TMEM132D: variants seen among roughly 807,000 people sequenced by gnomAD.
TMEM132D encodes transmembrane protein 132D, also known as mature OL transmembrane protein.
In TMEM132D, 21 loss-of-function variants were observed where a neutral mutation model predicts 62.3. That is an observed-to-expected ratio of 0.34 (90% CI 0.24 to 0.49). The LOEUF (loss-of-function observed/expected upper bound fraction) is 0.49, where lower values mean the gene tolerates loss of function less well. TMEM132D is among the 20% of genes least tolerant of loss of function. The pLI is 0.99. For missense variants in TMEM132D, 1,346 were observed against 1,402.8 expected (o/e 0.96, Z 0.65); for synonymous variants, 621 against 575.6 (o/e 1.08, Z -1.13).
chr12:129,689,298 T>G (rs1042665872), intron 2 of TMEM132D, among the ~76,000 whole-genome samples: 1 of 152,196 alleles, frequency 6.6e-6, no homozygotes, highest in African/African-American at 2.4e-5. Flanking sequence ...TGCACCTTGA[T>G]TCCTGATCAG....
chr12:129,693,456 C>T (rs547184799), intron 2 of TMEM132D, among the ~76,000 whole-genome samples: 1 of 152,190 alleles, frequency 6.6e-6, no homozygotes, highest in Non-Finnish European at 1.5e-5. Flanking sequence ...TATCACTTCC[C>T]TCTTTACAAT....
intron 3 of TMEM132D, among the ~76,000 whole-genome samples, chr12:129,513,384 T>C (rs1009433158): frequency 2.0e-5 from 3 of 152,170 alleles, no homozygotes; most frequent in African/African-American, 7.2e-5. Flanking sequence ...CATCACCCGC[T>C]AGACTCCATC....
intron 1 of TMEM132D, among the ~76,000 whole-genome samples, chr12:129,900,368 C>A (rs1447134665): frequency 7.2e-5 from 11 of 152,168 alleles, no homozygotes. Context: ...GAAGCAGTTT[C>A]AGGAAGGCGC....
intron 4 of TMEM132D, among the ~76,000 whole-genome samples, chr12:129,227,859 T>A (rs1327632946): frequency 6.6e-6 from 1 of 152,208 alleles, no homozygotes; most frequent in Non-Finnish European, 1.5e-5. Flanking sequence ...TTTGGTTTTT[T>A]GTCCTTGCGA....
intron 3 of TMEM132D, among the ~76,000 whole-genome samples, chr12:129,488,018 C>T (rs1354135974): frequency 6.6e-6 from 1 of 151,484 alleles, no homozygotes; most frequent in African/African-American, 2.4e-5. Flanking sequence ...GGAGAAACGG[C>T]CCCTTGTTGG....
intron 4 of TMEM132D, among the ~76,000 whole-genome samples, chr12:129,325,571 G>A (rs567331801): frequency 6.6e-6 from 1 of 152,322 alleles, no homozygotes; most frequent in South Asian, 2.1e-4. Flanking sequence ...GGATACAAGA[G>A]AGGACTGTGG....
At chr12:129,513,804 TTTTATTTATTTATTTA>T (rs201593908) in intron 3 of TMEM132D, among the ~76,000 whole-genome samples, 10,253 of 133,942 alleles carry the variant, frequency 0.077, 431 homozygotes, top group East Asian at 0.14. Flanking sequence ...CAATTTTTAT[TTTTATTTATTTATTTA>T]TTTATTTATT....
chr12:129,403,067 T>C (rs897420175), intron 3 of TMEM132D, among the ~76,000 whole-genome samples: 1 of 151,972 alleles, frequency 6.6e-6, no homozygotes, highest in African/African-American at 2.4e-5. Context: ...GGCAGGCACT[T>C]TGCAAATTCA....
intron 5 of TMEM132D, among the ~76,000 whole-genome samples, chr12:129,101,264 T>G (rs891645123): frequency 6.6e-6 from 1 of 152,216 alleles, no homozygotes; most frequent in Non-Finnish European, 1.5e-5. Context: ...CCGTGCAGCT[T>G]CTTTGCCTCG....
chr12:129,882,229 C>G (rs1874618093), intron 1 of TMEM132D, among the ~76,000 whole-genome samples: 1 of 151,902 alleles, frequency 6.6e-6, no homozygotes, highest in Non-Finnish European at 1.5e-5. Flanking sequence ...TGTGTAGTCT[C>G]TTCCAGAAAA....
chr12:129,739,839 C>T (rs1461394135), intron 1 of TMEM132D, among the ~76,000 whole-genome samples: 1 of 152,150 alleles, frequency 6.6e-6, no homozygotes, highest in Admixed American at 6.5e-5. Flanking sequence ...ATTAAGATGG[C>T]ATTGACCCTT....
intron 3 of TMEM132D, among the ~76,000 whole-genome samples, chr12:129,467,581 G>A (rs927591036): frequency 3.9e-5 from 6 of 152,178 alleles, no homozygotes; most frequent in East Asian, 1.9e-4. Context: ...TTAAAAGGGA[G>A]GAGGCTCCTC....
intron 5 of TMEM132D, among the ~76,000 whole-genome samples, chr12:129,194,876 T>C (rs1878504261): frequency 2.0e-5 from 3 of 152,310 alleles, no homozygotes; most frequent in African/African-American, 7.2e-5. Context: ...ATCCTCTATG[T>C]GACAACCAAG....
intron 5 of TMEM132D, among the ~76,000 whole-genome samples, chr12:129,178,830 C>CG (rs1305702410): frequency 1.3e-5 from 2 of 152,216 alleles, no homozygotes; most frequent in African/African-American, 4.8e-5. Flanking sequence ...TCTATGTCTG[C>CG]ACTCCTTGAA....
intron 1 of TMEM132D, among the ~76,000 whole-genome samples, chr12:129,708,473 G>A (rs765633484): frequency 8.5e-5 from 13 of 152,092 alleles, no homozygotes; most frequent in East Asian, 5.8e-4. Flanking sequence ...TCATGGGGGC[G>A]TCCTGTGCCT....
chr12:129,810,678 G>C (rs983671966), intron 1 of TMEM132D, among the ~76,000 whole-genome samples: 2 of 152,130 alleles, frequency 1.3e-5, no homozygotes, highest in Admixed American at 6.5e-5. Context: ...AAAAATCTAA[G>C]TAAGTTTCAG....
At chr12:129,298,807 A>G (rs1881637428) in intron 4 of TMEM132D, among the ~76,000 whole-genome samples, 1 of 152,222 alleles carries the variant, frequency 6.6e-6, no homozygotes, top group South Asian at 2.1e-4. Context: ...CCAAAGAAGG[A>G]GAATGGCCAT....
At chr12:129,274,520 T>C (rs1465791884) in intron 4 of TMEM132D, among the ~76,000 whole-genome samples, 2 of 152,222 alleles carry the variant, frequency 1.3e-5, no homozygotes, top group African/African-American at 4.8e-5. Flanking sequence ...CCTCATCTTT[T>C]TTTTAAACAA....
intron 5 of TMEM132D, among the ~76,000 whole-genome samples, chr12:129,158,566 G>A (rs191877596): frequency 1.1e-4 from 16 of 152,266 alleles, no homozygotes; most frequent in East Asian, 7.7e-4. Flanking sequence ...CTATGCAAAC[G>A]TACAAAATCC....
Sources: gnomAD v4.1 joint callset for allele counts (sites outside exome capture counted in the v4.1 genomes callset) on GRCh38, gnomAD v4.1.1 for gene constraint, MANE v1.5 for transcripts, NCBI Gene and HGNC (gene_info 2026-07-23, HGNC 2026-07-21) for gene names.